Variants in NECAB3 observed in about 807,000 individuals in gnomAD.
The protein encoded by NECAB3 is N-terminal EF-hand calcium-binding protein 3.
NECAB3 carries 38 observed loss-of-function variants against 57.2 expected under a neutral mutation model. That is an observed-to-expected ratio of 0.66 (90% CI 0.51 to 0.87). The LOEUF is 0.87. Among genes scored for constraint, NECAB3 ranks in the 40% least tolerant of loss-of-function variants. The pLI is 0.00. For missense variants in NECAB3, 474 were observed against 527.5 expected (o/e 0.90, Z 0.99); for synonymous variants, 223 against 222.6 (o/e 1.00, Z -0.02).
At chr20:33,672,817 C>T (rs1356497569) in intron 1 of NECAB3, among the ~76,000 whole-genome samples, 2 of 152,178 alleles carry the variant, frequency 1.3e-5, no homozygotes, top group Non-Finnish European at 2.9e-5. Flanking sequence ...CTTGCACAGC[C>T]GTCCTAGACC....
At chr20:33,661,431 C>T (rs532200747) in intron 5 of NECAB3, among the ~76,000 whole-genome samples, 1 of 152,168 alleles carries the variant, frequency 6.6e-6, no homozygotes, top group South Asian at 2.1e-4. Flanking sequence ...GCTCAGCCAT[C>T]GGATGGGACC....
chr20:33,673,172 G>A (rs2017867243), intron 1 of NECAB3, among the ~76,000 whole-genome samples: 1 of 152,134 alleles, frequency 6.6e-6, no homozygotes, highest in Admixed American at 6.5e-5. Flanking sequence ...ACAGGTCCCC[G>A]TCTCTCTTAG....
At chr20:33,663,997 G>T (rs1240196393) in intron 5 of NECAB3, 2 of 783,714 alleles carry the variant, frequency 2.6e-6, no homozygotes, top group African/African-American at 3.7e-5. Flanking sequence ...GGGGTGAACG[G>T]GGCGTGATGA....
At chr20:33,668,277 GCTCT>G (rs747998027) in intron 5 of NECAB3, 79 of 1,541,408 alleles carry the variant, frequency 5.1e-5, no homozygotes, top group Non-Finnish European at 6.4e-5. Flanking sequence ...TTGGGGGACA[GCTCT>G]CTATCTAAAG....
At chr20:33,661,307 ACACG>A (rs752988626) in intron 5 of NECAB3, among the ~76,000 whole-genome samples, 4 of 152,198 alleles carry the variant, frequency 2.6e-5, no homozygotes, top group Non-Finnish European at 5.9e-5. Flanking sequence ...ACACACACAC[ACACG>A]CATCAGGGTG....
At position 33,658,031 on chromosome 20, in the gene NECAB3, T is replaced by C; in HGVS notation, c.1073A>G (p.His358Arg). 2 of 1,550,814 alleles carry C rather than the reference T, an allele frequency of 1.3e-6. No individual in the cohort carries two copies. Among genetic ancestry groups the C allele is most frequent in the Non-Finnish European group, 8.7e-7 (1 of 1,146,958 alleles). Residue 358 changes from histidine (H) to arginine (R), a missense_variant and splice_region_variant, in exon 11 of 12, where the codon CAC (histidine) becomes CGC (arginine). Physicochemically the swap from His to Arg is conservative, Grantham distance 29 (BLOSUM62 0). Coordinates refer to ENST00000246190, the MANE Select transcript of NECAB3 (RefSeq NM_031232.4). ...GGCCTTGCTGCCAGGCGACTGCTGG[T>C]GCCTGCAGAGACCCAGGCTACAGTG... ...FWQDEASWRR[H>R]QQSPGSKAFQ...
chr20:33,671,043 G>A (rs767177570), intron 2 of NECAB3, among the ~76,000 whole-genome samples: 3 of 152,362 alleles, frequency 2.0e-5, no homozygotes, highest in South Asian at 2.1e-4. Flanking sequence ...TGTACATAGC[G>A]TTGGGTAGGA....
chr20:33,660,190 G>A lies in NECAB3; in HGVS notation c.524+69C>T. On this transcript the variant is annotated intron_variant, in intron 6 of 11. Coordinates refer to ENST00000246190, the MANE Select transcript of NECAB3 (RefSeq NM_031232.4). This position sits in a 1 kb window ranked among gnomAD's most constrained non-coding sequence, Gnocchi z 4.1. ...CAGGCTCCAGGATGCTGGGACTGTGGGGATTTGGAATGGGGGTACAATGGG... is the reference window on the plus strand; with the variant it reads ...CAGGCTCCAGGATGCTGGGACTGTGAGGATTTGGAATGGGGGTACAATGGG... The A allele has an allele frequency of 6.3e-7, 1 of 1,577,740 alleles. No individual in the cohort carries two copies.
Position 33,657,442 on chromosome 20 carries a change from G to A in NECAB3, c.*387C>T, listed in dbSNP as rs1166010358. On this transcript the variant is annotated 3_prime_UTR_variant, in exon 12 of 12. Coordinates refer to ENST00000246190, the MANE Select transcript of NECAB3 (RefSeq NM_031232.4). ...TTCTGCCGCTGGCTGAGGAGGAGCA[G>A]AAGCCTGGTCCCAAGACAGCAGGAA... 1 of 232,528 alleles carries A rather than the reference G, an allele frequency of 4.3e-6. No homozygotes were observed. Among genetic ancestry groups the A allele is most frequent in the Non-Finnish European group, 8.2e-6 (1 of 121,570 alleles). 14.4% of individuals were successfully genotyped at this position (232,528 alleles called of 1,614,324 possible). A position where few individuals can be genotyped will look rare whatever the true frequency, so the allele number is the denominator to read the frequency against.
Position 33,660,468 on chromosome 20 carries a change from T to C in NECAB3, c.388-73A>G, listed in dbSNP as rs2017436280. On this transcript the variant is annotated intron_variant, in intron 5 of 11. Coordinates refer to ENST00000246190, the MANE Select transcript of NECAB3 (RefSeq NM_031232.4). This position sits in a 1 kb window ranked among gnomAD's most constrained non-coding sequence, Gnocchi z 4.1. ...TCTCTTGAGTGGGTCCCCTGCCTCT[T>C]GCCCATCAGAGCAGCGGTGGCAGTG... 5 of 1,575,944 alleles carry C rather than the reference T, an allele frequency of 3.2e-6. No homozygotes were observed. In the Admixed American group the frequency reaches 5.1e-5, roughly 16 times the overall value.
chr20:33,657,727 A>G lies in NECAB3; in HGVS notation c.*102T>C, dbSNP rs1478447199. On this transcript the variant is annotated 3_prime_UTR_variant, in exon 12 of 12. Transcript: ENST00000246190. ...GAGCCCTTCCACCAGGCCCAAGTCCAGGAGGAGACAAGTCCTGGTCTTTGC... is the reference window on the plus strand; with the variant it reads ...GAGCCCTTCCACCAGGCCCAAGTCCGGGAGGAGACAAGTCCTGGTCTTTGC... 2.0e-5 allele frequency: 25 copies of G among 1,269,208 alleles called. No individual in the cohort carries two copies. The highest frequency in any genetic ancestry group is 1.6e-5 in the South Asian group (1 of 61,540). The allele number at this position is 1,269,208 out of a possible 1,614,324, so 78.6% of individuals were successfully genotyped here.
At chr20:33,669,818 A>G in intron 3 of NECAB3, 106 bp from the exon 4 acceptor site, 1 of 1,256,392 alleles carries the variant, frequency 8.0e-7, no homozygotes, top group African/African-American at 1.5e-5. Context: ...TTAGCCTAAC[A>G]AGGCCACTTC....
intron 5 of NECAB3, chr20:33,666,486 C>T (rs951777160): frequency 9.8e-5 from 15 of 152,370 alleles, no homozygotes; most frequent in African/African-American, 3.6e-4. Context: ...CAGCCCCTCC[C>T]CTCTCCACAA....
At chr20:33,674,497 G>T, upstream of NECAB3, 1 of 759,216 alleles carries the variant, frequency 1.3e-6, no homozygotes, top group Non-Finnish European at 1.6e-6. Context: ...CGCGGACGCC[G>T]GGTTCCCTCG....
At chr20:33,662,092 A>G (rs955604526) in intron 5 of NECAB3, 4 of 386,074 alleles carry the variant, frequency 1.0e-5, no homozygotes, top group African/African-American at 2.1e-5. Context: ...CCCAAACCAC[A>G]GAAATCCCCC....
chr20:33,669,587 G>T, intron 4 of NECAB3, 100 bp downstream of exon 4: 1 of 1,538,320 alleles, frequency 6.5e-7, no homozygotes, highest in Non-Finnish European at 8.8e-7. Flanking sequence ...CCTGAGCCCA[G>T]CCCAACCTGT....
In NECAB3 at chr20:33,660,328, T is replaced by TGGCTCACCGTCTCCCGCAGCA. The variant is rs1568893078; in HGVS notation, c.434_454dup (p.Leu145_Ser151dup). 1 of 1,613,532 alleles carries TGGCTCACCGTCTCCCGCAGCA rather than the reference T, an allele frequency of 6.2e-7. No individual in the cohort carries two copies. Among genetic ancestry groups the TGGCTCACCGTCTCCCGCAGCA allele is most frequent in the Non-Finnish European group, 8.5e-7 (1 of 1,179,996 alleles). ...CAGCGAGCTCTGAAGGGCTTGCAGCTGGCTCACCGTCTCCCGCAGCAGGAA... is the reference window on the plus strand; with the variant it reads ...CAGCGAGCTCTGAAGGGCTTGCAGCTGGCTCACCGTCTCCCGCAGCAGGCTCACCGTCTCCCGCAGCAGGAA... On this transcript the variant is annotated inframe_insertion, in exon 6 of 12. Coordinates refer to ENST00000246190, the MANE Select transcript of NECAB3 (RefSeq NM_031232.4). This position sits in a 1 kb window ranked among gnomAD's most constrained non-coding sequence, Gnocchi z 4.1.
intron 2 of NECAB3, 164 bp downstream of exon 2, chr20:33,672,234 A>C (rs1416343501): frequency 1.2e-6 from 1 of 815,134 alleles, no homozygotes; most frequent in Non-Finnish European, 2.0e-6. Flanking sequence ...AACTTGGCTG[A>C]GAACAGCACT....
chr20:33,674,417 G>A lies in NECAB3; in HGVS notation c.-65C>T, dbSNP rs942692449. On this transcript the variant is annotated 5_prime_UTR_variant, in exon 1 of 12. Transcript: ENST00000246190. ...GACCCTGGACGCCGCGGCGGACTCG[G>A]TGTGGCTAGAGGCCGCCCCTTGGCG... 2.7e-6 allele frequency: 3 copies of A among 1,103,080 alleles called. No individual in the cohort carries two copies. The highest frequency in any genetic ancestry group is 1.7e-5 in the African/African-American group (1 of 60,016). 68.3% of individuals were successfully genotyped at this position (1,103,080 alleles called of 1,614,324 possible).
Sources: allele counts gnomAD v4.1 joint callset (sites outside exome capture counted in the v4.1 genomes callset), GRCh38; gene constraint gnomAD v4.1.1; non-coding constraint Gnocchi (gnomAD v3.1); transcripts MANE v1.5; gene names NCBI Gene and HGNC (gene_info 2026-07-23, HGNC 2026-07-21).